CCR9: variants seen among roughly 807,000 people sequenced by gnomAD.
CCR9 encodes the protein C-C chemokine receptor type 9.
A neutral mutation model predicts 8.7 loss-of-function variants in CCR9; 4 were observed. The ratio of observed to expected loss-of-function variants is 0.46; its 90% CI spans 0.23 to 1.06. CCR9 has a LOEUF of 1.06. Among genes scored for constraint, CCR9 ranks in the 50% least tolerant of loss-of-function variants. The pLI is 0.21. For missense variants in CCR9, 394 were observed against 453.6 expected (o/e 0.87, Z 1.19); for synonymous variants, 159 against 168.8 (o/e 0.94, Z 0.45).
intron 2 of CCR9, among the ~76,000 whole-genome samples, chr3:45,896,872 T>G (rs903739917): frequency 6.6e-6 from 1 of 152,240 alleles, no homozygotes; most frequent in Non-Finnish European, 1.5e-5. Context: ...GTCCCTGCCC[T>G]TTCTCTGTCC....
At chr3:45,888,700 A>ATT (rs1227673655) in intron 1 of CCR9, among the ~76,000 whole-genome samples, 1 of 152,142 alleles carries the variant, frequency 6.6e-6, no homozygotes, top group Non-Finnish European at 1.5e-5. Flanking sequence ...TTTCCCCCCT[A>ATT]TATTTTTCCC....
At chr3:45,890,952 C>A (rs1303194554) in intron 1 of CCR9, among the ~76,000 whole-genome samples, 1 of 152,062 alleles carries the variant, frequency 6.6e-6, no homozygotes, top group African/African-American at 2.4e-5. Context: ...TCAAAGTGTA[C>A]GAATGCATAG....
chr3:45,897,716 G>A, intron 2 of CCR9: 1 of 941,876 alleles, frequency 1.1e-6, no homozygotes, highest in Non-Finnish European at 1.5e-6. Context: ...CGTCCCTTGT[G>A]CTTGTCCTTC....
intron 2 of CCR9, chr3:45,897,613 T>A: frequency 1.3e-6 from 2 of 1,535,434 alleles, no homozygotes; most frequent in Non-Finnish European, 1.7e-6. Flanking sequence ...CAGGAATCCA[T>A]CTCCTTCCAG....
At chr3:45,895,779 G>A (rs977002556) in intron 2 of CCR9, among the ~76,000 whole-genome samples, 1 of 150,504 alleles carries the variant, frequency 6.6e-6, no homozygotes, top group Non-Finnish European at 1.5e-5. Context: ...TTTTACAGCC[G>A]AATGTAATTA....
At chr3:45,889,671 TG>T (rs1702087284) in intron 1 of CCR9, among the ~76,000 whole-genome samples, 2 of 151,930 alleles carry the variant, frequency 1.3e-5, no homozygotes, top group South Asian at 4.1e-4. Flanking sequence ...AGCAGTGCAG[TG>T]TATGTCTTTT....
chr3:45,890,414 A>T (rs1322323210), intron 1 of CCR9, among the ~76,000 whole-genome samples: 1 of 137,672 alleles, frequency 7.3e-6, no homozygotes, highest in Non-Finnish European at 1.5e-5. Flanking sequence ...CAACCTCCGT[A>T]TTCCCCAAGC....
At position 45,901,989 on chromosome 3, in the gene CCR9, G is replaced by GA; in HGVS notation, c.*95dup. On this transcript the variant is annotated 3_prime_UTR_variant, in exon 3 of 3. Coordinates refer to ENST00000357632, the MANE Select transcript of CCR9 (RefSeq NM_031200.3). The surrounding 1 kb of genome is among the most constrained non-coding windows in gnomAD (Gnocchi z 4.3). Reference sequence around the variant, plus strand: ...TGATGGGACCAGAGAGAGTGAAAGAGAAAAGAAAACTCAGAAAGGGATGAA... The same window carrying GA: ...TGATGGGACCAGAGAGAGTGAAAGAGAAAAAGAAAACTCAGAAAGGGATGAA... 1 of 1,122,048 alleles carries GA rather than the reference G, an allele frequency of 8.9e-7. No individual in the cohort carries two copies. Among genetic ancestry groups the GA allele is most frequent in the Non-Finnish European group, 1.3e-6 (1 of 790,110 alleles). 69.5% of individuals were successfully genotyped at this position (1,122,048 alleles called of 1,614,324 possible). A position where few individuals can be genotyped will look rare whatever the true frequency, so the allele number is the denominator to read the frequency against.
At chr3:45,891,618 G>A (rs796297152) in intron 1 of CCR9, among the ~76,000 whole-genome samples, 1 of 152,096 alleles carries the variant, frequency 6.6e-6, no homozygotes, top group African/African-American at 2.4e-5. Flanking sequence ...AATTTAATCC[G>A]GATGCAGCAC....
upstream of CCR9, among the ~76,000 whole-genome samples, chr3:45,886,267 T>C (rs7653372): frequency 0.2 from 30,658 of 152,120 alleles, 4,362 homozygotes; most frequent in African/African-American, 0.39. Flanking sequence ...CTCGATGGGA[T>C]CCTCCAATTT....
chr3:45,899,678 TG>T (rs1702482322), intron 2 of CCR9, among the ~76,000 whole-genome samples: 1 of 152,158 alleles, frequency 6.6e-6, no homozygotes, highest in Non-Finnish European at 1.5e-5. Context: ...AGAAGGAAAC[TG>T]GTGGGAAGTG....
intron 2 of CCR9, among the ~76,000 whole-genome samples, chr3:45,897,132 T>A (rs1247000163): frequency 6.6e-6 from 1 of 152,298 alleles, no homozygotes; most frequent in East Asian, 1.9e-4. Context: ...CCCCTTGCCC[T>A]GGCTGTGCAC....
intron 2 of CCR9, among the ~76,000 whole-genome samples, chr3:45,895,873 T>G (rs904504519): frequency 2.0e-5 from 3 of 152,234 alleles, no homozygotes; most frequent in Non-Finnish European, 4.4e-5. Flanking sequence ...GATTTTGCTC[T>G]TCTCCAAGGG....
At chr3:45,891,989 A>C (rs1414720899) in intron 1 of CCR9, among the ~76,000 whole-genome samples, 1 of 152,142 alleles carries the variant, frequency 6.6e-6, no homozygotes, top group Non-Finnish European at 1.5e-5. Flanking sequence ...TGGGGTTTGA[A>C]GACCAACTTA....
rs144940552 is a variant in CCR9 at position 45,901,258 on chromosome 3, G to T, written c.470G>T (p.Trp157Leu). 4 of 1,614,202 alleles carry T rather than the reference G, an allele frequency of 2.5e-6. No individual in the cohort carries two copies. The highest frequency in any genetic ancestry group is 3.4e-6 in the Non-Finnish European group (4 of 1,180,044). Reference protein sequence around the residue: ...AIAQAMRAHTWREKRLLYSKM... With the variant: ...AIAQAMRAHTLREKRLLYSKM... ...GCCCAGGCCATGAGAGCACATACTT[G>T]GAGGGAGAAAAGGCTTTTGTACAGC... The change falls in exon 3 of 3, where the codon TGG (tryptophan) becomes TTG (leucine). Residue 157 changes from tryptophan (W) to leucine (L), a missense_variant. Physicochemically the swap from Trp to Leu is moderately conservative, Grantham distance 61. Transcript: ENST00000357632. The surrounding 1 kb of genome is among the most constrained non-coding windows in gnomAD (Gnocchi z 4.3).
chr3:45,897,736 T>G, intron 2 of CCR9: 2 of 706,724 alleles, frequency 2.8e-6, no homozygotes, highest in Non-Finnish European at 4.6e-6. Flanking sequence ...CTGCCAAGCA[T>G]GCCCTCTTTC....
intron 1 of CCR9, among the ~76,000 whole-genome samples, chr3:45,887,176 A>G (rs1702005647): frequency 6.6e-6 from 1 of 152,172 alleles, no homozygotes; most frequent in African/African-American, 2.4e-5. Context: ...TGATCCATGA[A>G]AGATGGGCAA....
At chr3:45,897,509 G>C (rs1176259502) in intron 2 of CCR9, 4 of 1,224,972 alleles carry the variant, frequency 3.3e-6, no homozygotes, top group Non-Finnish European at 3.5e-6. Context: ...AGAAAGCTGG[G>C]TCACCCAGGT....
chr3:45,893,938 C>G (rs559718588), intron 1 of CCR9, among the ~76,000 whole-genome samples: 41 of 152,188 alleles, frequency 2.7e-4, no homozygotes, highest in Admixed American at 2.7e-3. Context: ...AGGGTGGGGT[C>G]ATGATGTTGT....
Sources: gnomAD v4.1 joint callset for allele counts (sites outside exome capture counted in the v4.1 genomes callset) on GRCh38, gnomAD v4.1.1 for gene constraint, Gnocchi (gnomAD v3.1) non-coding constraint, MANE v1.5 for transcripts, NCBI Gene and HGNC (gene_info 2026-07-23, HGNC 2026-07-21) for gene names.